The following GPC5 variants were observed in gnomAD, a reference collection of about 807,000 sequenced individuals.
GPC5 encodes glypican 5, also known as glypican-5.
A neutral mutation model predicts 53.9 loss-of-function variants in GPC5; 47 were observed. The observed-to-expected ratio is 0.87, with a 90% confidence interval of 0.69 to 1.11. The LOEUF (loss-of-function observed/expected upper bound fraction) is 1.11, where lower values mean the gene tolerates loss of function less well. GPC5 is among the 50% of genes most tolerant of loss of function. The probability of loss-of-function intolerance (pLI) is 0.00; values close to 1 mark genes in which losing one functional copy is unlikely to be tolerated. For missense variants in GPC5, 748 were observed against 713.1 expected (o/e 1.05, Z -0.56); for synonymous variants, 286 against 263.3 (o/e 1.09, Z -0.84).
chr13:92,801,178 CAT>C (rs989251868), intron 7 of GPC5, among the ~76,000 whole-genome samples: 30 of 151,500 alleles, frequency 2.0e-4, no homozygotes, highest in Non-Finnish European at 2.5e-4. Flanking sequence ...TATGTGAACA[CAT>C]GTGTGCTTGT....
Position 92,427,383 on chromosome 13 carries a change from T to C in GPC5, c.1561+282394T>C, listed in dbSNP as rs1379019846. On this transcript the variant is annotated intron_variant, in intron 7 of 7. Transcript: ENST00000377067. ...AACTGATACGATTCTTATTTTCCAATAGAAGAAATGCACAAATTCCTCAGG... is the reference window on the plus strand; with the variant it reads ...AACTGATACGATTCTTATTTTCCAACAGAAGAAATGCACAAATTCCTCAGG... 6.6e-5 allele frequency among the ~76,000 whole-genome samples: 10 copies of C among 150,712 alleles called. No individual in the cohort carries two copies. The East Asian group carries it at 1.6e-3, about 23-fold the overall frequency.
At chr13:91,454,738 T>G (rs1881418218) in intron 2 of GPC5, among the ~76,000 whole-genome samples, 1 of 152,082 alleles carries the variant, frequency 6.6e-6, no homozygotes, top group African/African-American at 2.4e-5. Context: ...CAGTAGCTAG[T>G]ATCTGTTAGC....
chr13:91,448,127 TA>T (rs997005866), intron 1 of GPC5, among the ~76,000 whole-genome samples: 22 of 152,354 alleles, frequency 1.4e-4, no homozygotes, highest in African/African-American at 5.1e-4. Context: ...AGGATCCTTC[TA>T]AACATGATTG....
chr13:91,795,017 T>A (rs1251918152), intron 5 of GPC5, among the ~76,000 whole-genome samples: 1 of 152,166 alleles, frequency 6.6e-6, no homozygotes, highest in Non-Finnish European at 1.5e-5. Context: ...TTTTATTTAA[T>A]GAAGAAATTT....
chr13:91,400,556 A>G (rs1876861327), intron 1 of GPC5, among the ~76,000 whole-genome samples: 1 of 152,170 alleles, frequency 6.6e-6, no homozygotes, highest in Non-Finnish European at 1.5e-5. Context: ...AATAAATCTC[A>G]CTTTATTGGC....
At chr13:92,227,813 A>G (rs2042499323) in intron 7 of GPC5, among the ~76,000 whole-genome samples, 2 of 152,136 alleles carry the variant, frequency 1.3e-5, no homozygotes. Context: ...TGATGTTTTC[A>G]CACAGTGGTA....
At chr13:92,666,738 A>G (rs1177653771) in intron 7 of GPC5, among the ~76,000 whole-genome samples, 1 of 152,220 alleles carries the variant, frequency 6.6e-6, no homozygotes, top group African/African-American at 2.4e-5. Flanking sequence ...CATTTGGACT[A>G]AAAACTCTAA....
intron 7 of GPC5, among the ~76,000 whole-genome samples, chr13:92,837,477 T>G (rs1371996348): frequency 6.6e-6 from 1 of 152,104 alleles, no homozygotes; most frequent in Non-Finnish European, 1.5e-5. Context: ...CTTGCACTAG[T>G]ATTTGCCAGC....
intron 7 of GPC5, among the ~76,000 whole-genome samples, chr13:92,164,699 A>G (rs536378528): frequency 9.0e-4 from 137 of 152,168 alleles, no homozygotes; most frequent in Non-Finnish European, 1.7e-3. Context: ...CAGCTCCACT[A>G]GATAGTGCCC....
intron 6 of GPC5, among the ~76,000 whole-genome samples, chr13:91,917,082 C>T (rs1188843387): frequency 1.3e-5 from 2 of 152,140 alleles, no homozygotes; most frequent in Non-Finnish European, 2.9e-5. Context: ...TCCAAAGTCT[C>T]ATTTAAGACA....
At chr13:91,972,350 C>T (rs1297290785) in intron 6 of GPC5, among the ~76,000 whole-genome samples, 1 of 152,122 alleles carries the variant, frequency 6.6e-6, no homozygotes, top group Non-Finnish European at 1.5e-5. Flanking sequence ...TATTTTAAGC[C>T]TATGTGTGTC....
intron 1 of GPC5, among the ~76,000 whole-genome samples, chr13:91,424,524 C>T (rs1448807992): frequency 6.6e-6 from 1 of 151,976 alleles, no homozygotes; most frequent in African/African-American, 2.4e-5. Context: ...ACCACCACGC[C>T]CAGCTAATTT....
At position 91,693,128 on chromosome 13, in the gene GPC5, T is replaced by C; in HGVS notation, c.326-59T>C. ...TGAGTCATTTAATGTCTGGAGCAGA[T>C]GGACGGTGTTAGCATGAATACTAAA... On this transcript the variant is annotated intron_variant, in intron 2 of 7. Coordinates refer to ENST00000377067, the MANE Select transcript of GPC5 (RefSeq NM_004466.6). The C allele has an allele frequency of 4.1e-6, 5 of 1,204,840 alleles. No individual in the cohort carries two copies. The South Asian group carries it at 5.6e-5, about 14-fold the overall frequency. The allele number at this position is 1,204,840 out of a possible 1,614,324, so 74.6% of individuals were successfully genotyped here.
At chr13:92,055,579 T>C (rs1299375416) in intron 6 of GPC5, among the ~76,000 whole-genome samples, 1 of 152,200 alleles carries the variant, frequency 6.6e-6, no homozygotes, top group Non-Finnish European at 1.5e-5. Flanking sequence ...ATATTTTAAC[T>C]TTTCTAATAT....
chr13:91,441,121 A>T (rs1880389165), intron 1 of GPC5, among the ~76,000 whole-genome samples: 1 of 151,942 alleles, frequency 6.6e-6, no homozygotes, highest in Non-Finnish European at 1.5e-5. Context: ...TCCTTCAAAT[A>T]TTGACTCCTC....
intron 7 of GPC5, among the ~76,000 whole-genome samples, chr13:92,756,634 C>G (rs1874888873): frequency 6.9e-6 from 1 of 145,932 alleles, no homozygotes; most frequent in African/African-American, 2.5e-5. Context: ...TCAGCAAAGT[C>G]TCAGGATACA....
At chr13:92,459,050 A>G (rs1426960236) in intron 7 of GPC5, among the ~76,000 whole-genome samples, 1 of 152,152 alleles carries the variant, frequency 6.6e-6, no homozygotes, top group Non-Finnish European at 1.5e-5. Flanking sequence ...GTGTACTCTA[A>G]ACAAAGCATA....
chr13:91,405,600 T>C (rs1028525867), intron 1 of GPC5, among the ~76,000 whole-genome samples: 1 of 152,150 alleles, frequency 6.6e-6, no homozygotes, highest in African/African-American at 2.4e-5. Context: ...CGGCGCCACG[T>C]TCCTTTTCTT....
intron 7 of GPC5, among the ~76,000 whole-genome samples, chr13:92,611,372 T>C (rs1884431190): frequency 6.6e-6 from 1 of 152,144 alleles, no homozygotes; most frequent in Non-Finnish European, 1.5e-5. Context: ...TTTCTTTCCC[T>C]TTGTCTGAAA....
Sources: gnomAD v4.1 joint callset for allele counts (sites outside exome capture counted in the v4.1 genomes callset) on GRCh38, gnomAD v4.1.1 for gene constraint, MANE v1.5 for transcripts, NCBI Gene and HGNC (gene_info 2026-07-23, HGNC 2026-07-21) for gene names.